The following ASB1 variants were observed in gnomAD, a reference collection of about 807,000 sequenced individuals.
The protein encoded by ASB1 is ankyrin repeat and SOCS box containing 1.
Under a neutral mutation model 27.7 loss-of-function variants are expected in ASB1, and 18 were observed. The observed-to-expected ratio is 0.65, with a 90% CI of 0.45 to 0.96. The LOEUF is 0.96. Ranked by LOEUF, ASB1 falls within the 50% of genes least tolerant of loss-of-function variation. The pLI is 0.00. For missense variants in ASB1, 397 were observed against 451.7 expected, an observed-to-expected ratio of 0.88 and a Z score of 1.10; for synonymous variants, 189 against 187.6, an observed-to-expected ratio of 1.01 and a Z score of -0.06.
intron 3 of ASB1, among the ~76,000 whole-genome samples, chr2:238,439,575 C>G (rs1036415613): frequency 6.6e-5 from 10 of 152,174 alleles, no homozygotes; most frequent in African/African-American, 2.2e-4. Context: ...TTGTCCTTTC[C>G]TATTACAAAT....
intron 1 of ASB1, among the ~76,000 whole-genome samples, chr2:238,432,474 C>G (rs1169982422): frequency 1.3e-5 from 2 of 152,122 alleles, no homozygotes; most frequent in African/African-American, 4.8e-5. Flanking sequence ...GGTGGGACTT[C>G]TCTATGGTCA....
At chr2:238,428,291 A>G (rs1559411144) in intron 1 of ASB1, among the ~76,000 whole-genome samples, 1 of 152,184 alleles carries the variant, frequency 6.6e-6, no homozygotes, top group Non-Finnish European at 1.5e-5. Flanking sequence ...TCGGCTGCAC[A>G]GGTCTCCTTT....
intron 3 of ASB1, among the ~76,000 whole-genome samples, chr2:238,443,281 G>T (rs1460977551): frequency 6.6e-6 from 1 of 152,056 alleles, no homozygotes; most frequent in African/African-American, 2.4e-5. Context: ...TTAAGTTTAT[G>T]CTTAGATATG....
intron 3 of ASB1, 148 bp from the exon 4 acceptor site, chr2:238,444,194 T>C (rs1461922739): frequency 1.1e-5 from 8 of 734,850 alleles, no homozygotes; most frequent in Non-Finnish European, 1.1e-5. Flanking sequence ...GTAGTGAAGC[T>C]ATCTGATCTG....
At chr2:238,441,634 C>T (rs918949047) in intron 3 of ASB1, among the ~76,000 whole-genome samples, 6 of 152,268 alleles carry the variant, frequency 3.9e-5, no homozygotes, top group South Asian at 2.1e-4. Flanking sequence ...GAGGCTGCTC[C>T]GGAGCAGTGT....
intron 3 of ASB1, among the ~76,000 whole-genome samples, chr2:238,437,483 GC>G (rs1220965398): frequency 6.6e-6 from 1 of 151,824 alleles, no homozygotes. Flanking sequence ...GCCCGCCTCG[GC>G]CTCCCAAAGT....
chr2:238,443,533 T>G (rs1702118257), intron 3 of ASB1, among the ~76,000 whole-genome samples: 1 of 152,232 alleles, frequency 6.6e-6, no homozygotes, highest in Non-Finnish European at 1.5e-5. Context: ...AGGGTACCTT[T>G]AACACCAGTG....
intron 3 of ASB1, among the ~76,000 whole-genome samples, chr2:238,441,001 G>A (rs1482921769): frequency 6.6e-6 from 1 of 152,236 alleles, no homozygotes; most frequent in East Asian, 1.9e-4. Context: ...AGGTGAACGT[G>A]ACGCTGGGAG....
rs760986017 is a variant in ASB1 at position 238,444,746 on chromosome 2, G to T, written c.880+19G>T. Reference sequence around the variant, plus strand: ...GCCAGAAGTAAGTGGCTTGAGTTCAGCTCTGACTTGTGGGCTGGGTTGATT... The same window carrying T: ...GCCAGAAGTAAGTGGCTTGAGTTCATCTCTGACTTGTGGGCTGGGTTGATT... On this transcript the variant is annotated intron_variant, in intron 4 of 4. Coordinates refer to ENST00000264607, the MANE Select transcript of ASB1 (RefSeq NM_001040445.3). 7.6e-6 allele frequency: 12 copies of T among 1,578,416 alleles called. No individual in the cohort carries two copies. Among genetic ancestry groups the T allele is most frequent in the South Asian group, 1.1e-5 (1 of 86,970 alleles).
intron 1 of ASB1, among the ~76,000 whole-genome samples, chr2:238,431,600 T>C (rs2106402558): frequency 6.6e-6 from 1 of 152,388 alleles, no homozygotes; most frequent in East Asian, 1.9e-4. Context: ...TCCACATGCC[T>C]TTCTCATTAA....
In ASB1 at chr2:238,433,727, A is replaced by C. The variant is rs374311916; in HGVS notation, c.191+32A>C. On this transcript the variant is annotated intron_variant, in intron 2 of 4. Coordinates refer to ENST00000264607, the MANE Select transcript of ASB1 (RefSeq NM_001040445.3). ...GGCGCTGCCCAGGGCTGGTCCGGGT[A>C]CTAGGGCCCTGAAGGTCTGTGTGAA... 2.9e-5 allele frequency: 46 copies of C among 1,610,386 alleles called. No homozygotes were observed. The African/African-American group carries it at 5.7e-4, about 20-fold the overall frequency.
chr2:238,438,199 ATTTTT>A (rs57391955), intron 3 of ASB1, among the ~76,000 whole-genome samples: 1 of 98,198 alleles, frequency 1.0e-5, no homozygotes. Flanking sequence ...GATGCCCTTC[ATTTTT>A]TTTTTTTTTT....
chr2:238,451,208 T>G lies in ASB1; in HGVS notation c.*4697T>G, dbSNP rs1702278280. The G allele has an allele frequency of 6.6e-6, 1 of 152,232 alleles. No individual in the cohort carries two copies. Among genetic ancestry groups the G allele is most frequent in the East Asian group, 1.9e-4 (1 of 5,194 alleles). 9.4% of individuals were successfully genotyped at this position (152,232 alleles called of 1,614,324 possible). A position where few individuals can be genotyped will look rare whatever the true frequency, so the allele number is the denominator to read the frequency against. ...GTACAGTGATGTGTGGAATAAATAC[T>G]AGAAATTCTCAGCAGACAGTGGGAT... On this transcript the variant is annotated 3_prime_UTR_variant, in exon 5 of 5. Transcript: ENST00000264607.
At chr2:238,428,883 A>G (rs1343858194) in intron 1 of ASB1, among the ~76,000 whole-genome samples, 1 of 152,070 alleles carries the variant, frequency 6.6e-6, no homozygotes, top group Non-Finnish European at 1.5e-5. Flanking sequence ...GCCGCCATTT[A>G]CCTGTTGGTT....
intron 1 of ASB1, chr2:238,433,323 G>C (rs1575002035): frequency 2.0e-6 from 1 of 489,824 alleles, no homozygotes; most frequent in East Asian, 3.5e-5. Flanking sequence ...ACAGGGTATT[G>C]CTGTGTTGCC....
At chr2:238,443,475 T>A (rs190763833) in intron 3 of ASB1, among the ~76,000 whole-genome samples, 341 of 152,322 alleles carry the variant, frequency 2.2e-3, no homozygotes, top group African/African-American at 7.7e-3. Flanking sequence ...TTTTACCTCT[T>A]ATTTTCCAAC....
At chr2:238,437,685 G>C (rs1701999568) in intron 3 of ASB1, among the ~76,000 whole-genome samples, 1 of 151,984 alleles carries the variant, frequency 6.6e-6, no homozygotes, top group African/African-American at 2.4e-5. Context: ...ATTTGGACAG[G>C]GTGCAGTTTA....
chr2:238,431,022 C>T (rs946433347), intron 1 of ASB1, among the ~76,000 whole-genome samples: 1 of 152,250 alleles, frequency 6.6e-6, no homozygotes, highest in Non-Finnish European at 1.5e-5. Flanking sequence ...GCTGCGTTAG[C>T]CCCTAACGAG....
At chr2:238,440,862 C>T (rs186286203) in intron 3 of ASB1, among the ~76,000 whole-genome samples, 2 of 152,216 alleles carry the variant, frequency 1.3e-5, no homozygotes, top group Admixed American at 1.3e-4. Context: ...TTCCTCCCAT[C>T]GGGCTGTCAC....
Sources: allele counts gnomAD v4.1 joint callset (sites outside exome capture counted in the v4.1 genomes callset), GRCh38; gene constraint gnomAD v4.1.1; transcripts MANE v1.5; gene names NCBI Gene and HGNC (gene_info 2026-07-23, HGNC 2026-07-21).